Variants in EXD1 observed in about 807,000 individuals in gnomAD.
EXD1 encodes the protein piRNA biogenesis protein EXD1.
Under a neutral mutation model 49.1 loss-of-function variants are expected in EXD1, and 63 were observed. That is an observed-to-expected ratio of 1.28 (90% CI 1.05 to 1.58). EXD1 has a LOEUF of 1.58. Ranked by LOEUF, EXD1 falls within the 40% of genes most tolerant of loss-of-function variation. The pLI, the probability that EXD1 is intolerant of heterozygous loss-of-function variation, is 0.00. For missense variants in EXD1, 748 were observed against 666.0 expected (o/e 1.12, Z -1.36); for synonymous variants, 234 against 239.2 (o/e 0.98, Z 0.20).
At chr15:41,224,711 C>G (rs2047135747) in intron 2 of EXD1, among the ~76,000 whole-genome samples, 1 of 152,086 alleles carries the variant, frequency 6.6e-6, no homozygotes. Context: ...ATAAACCTAG[C>G]ATTTTGGGAG....
At chr15:41,223,874 G>A (rs989987293) in intron 2 of EXD1, among the ~76,000 whole-genome samples, 18 of 151,804 alleles carry the variant, frequency 1.2e-4, no homozygotes, top group African/African-American at 4.3e-4. Flanking sequence ...CAAAAAAAAA[G>A]AAAAAATTAA....
At chr15:41,188,722 A>T (rs1268430379) in intron 11 of EXD1, among the ~76,000 whole-genome samples, 1 of 151,646 alleles carries the variant, frequency 6.6e-6, no homozygotes, top group Admixed American at 6.6e-5. Context: ...AGTCATTGTT[A>T]ATATTCATAG....
At chr15:41,215,685 C>CAA (rs113812559) in intron 6 of EXD1, 90 bp downstream of exon 6, 89,790 of 1,112,384 alleles carry the variant, frequency 0.081, 4,039 homozygotes, top group African/African-American at 0.37. Context: ...GACTCCGTCT[C>CAA]AAAAAAAAAA....
At chr15:41,222,593 C>T (rs1336104468) in intron 2 of EXD1, among the ~76,000 whole-genome samples, 1 of 151,862 alleles carries the variant, frequency 6.6e-6, no homozygotes, top group African/African-American at 2.4e-5. Flanking sequence ...CTCCATTATA[C>T]CTGTCTACCT....
rs117930212 is a variant in EXD1, at chr15:41,225,320, C to T, written c.133+1123G>A. Among the ~76,000 whole-genome samples the T allele has an allele frequency of 3.2e-4, 48 of 152,332 alleles. No homozygotes were observed. The East Asian group carries it at 5.2e-3, about 16-fold the overall frequency. The stretch of plus-strand genomic sequence containing the variant: ...AAATTAAAGGGCCAGCATAGTGGCT[C>T]AAGCCTGTAATCCCAGCACTTTGGG... On this transcript the variant is annotated intron_variant, in intron 2 of 11. Coordinates refer to ENST00000458580, the MANE Select transcript of EXD1 (RefSeq NM_001286441.2).
At chr15:41,189,343 G>A (rs761401960) in intron 11 of EXD1, among the ~76,000 whole-genome samples, 94 of 151,640 alleles carry the variant, frequency 6.2e-4, no homozygotes, top group Non-Finnish European at 1.1e-3. Context: ...ACTCCAGCCT[G>A]AGTGACAGAG....
chr15:41,229,754 C>G (rs1343587214), intron 1 of EXD1, among the ~76,000 whole-genome samples: 1 of 150,122 alleles, frequency 6.7e-6, no homozygotes, highest in African/African-American at 2.5e-5. Context: ...GGCAGAAGAG[C>G]AAAAACTCCG....
intron 3 of EXD1, among the ~76,000 whole-genome samples, chr15:41,218,296 A>C (rs57896923): frequency 0.16 from 24,377 of 151,912 alleles, 3,585 homozygotes; most frequent in African/African-American, 0.39. Context: ...ACCAACCTAG[A>C]CAACATGGTG....
At chr15:41,227,331 T>A (rs182270261) in intron 1 of EXD1, among the ~76,000 whole-genome samples, 3 of 152,362 alleles carry the variant, frequency 2.0e-5, no homozygotes, top group South Asian at 2.1e-4. Context: ...TGTATTTTTT[T>A]ATTTTCTGTC....
In EXD1 at chr15:41,197,105, G is replaced by A. The variant is rs142299121; in HGVS notation, c.535-1068C>T. On this transcript the variant is annotated intron_variant, in intron 7 of 11. Coordinates refer to ENST00000458580, the MANE Select transcript of EXD1 (RefSeq NM_001286441.2). ...CTTCCAAAATGCTGGGATTACAGGC[G>A]TGAGCCACCAGGCCCCACCACATCT... 3.3e-3 allele frequency among the ~76,000 whole-genome samples: 507 copies of A among 151,902 alleles called. 1 individual carries two copies. The highest frequency in any genetic ancestry group is 0.012 in the African/African-American group (480 of 41,430).
At chr15:41,206,165 G>A (rs1236663938) in intron 7 of EXD1, among the ~76,000 whole-genome samples, 1 of 152,022 alleles carries the variant, frequency 6.6e-6, no homozygotes, top group Non-Finnish European at 1.5e-5. Flanking sequence ...CAATAAGCAT[G>A]TTATTAGAAA....
intron 11 of EXD1, among the ~76,000 whole-genome samples, chr15:41,187,964 G>A (rs563168509): frequency 4.9e-5 from 7 of 142,004 alleles, no homozygotes; most frequent in South Asian, 2.2e-4. Flanking sequence ...GTAGTGAGCC[G>A]GTATCACACC....
intron 7 of EXD1, among the ~76,000 whole-genome samples, chr15:41,207,313 G>A (rs1222646666): frequency 4.6e-5 from 7 of 152,046 alleles, no homozygotes; most frequent in African/African-American, 1.7e-4. Context: ...AGGCCAAGGC[G>A]GGTGGATCAC....
At position 41,191,520 on chromosome 15, in the gene EXD1, C is replaced by A. The variant is rs769055082; in HGVS notation, c.786G>T (p.Leu262Phe). The A allele has an allele frequency of 1.2e-5, 20 of 1,613,822 alleles. No homozygotes were observed. The highest frequency in any genetic ancestry group is 1.6e-5 in the Non-Finnish European group (19 of 1,179,904). Residue 262 changes from leucine (L) to phenylalanine (F), a missense_variant, in exon 10 of 12, where the codon TTG becomes TTT. Transcript: ENST00000458580. ...GGYLPNCITT[L>F]QESLIKHLQV... is the part of the protein sequence containing the mutation. Reference sequence around the variant, plus strand: ...GAAGGTGTTTGATTAAACTCTCCTGCAAAGTAGTGATGCAGTTTGGAAGAT... The same window carrying A: ...GAAGGTGTTTGATTAAACTCTCCTGAAAAGTAGTGATGCAGTTTGGAAGAT...
At chr15:41,205,714 GGAGAGA>G (rs2046812094) in intron 7 of EXD1, among the ~76,000 whole-genome samples, 1 of 84,110 alleles carries the variant, frequency 1.2e-5, no homozygotes, top group Non-Finnish European at 2.1e-5. Flanking sequence ...AAGGAGGGAA[GGAGAGA>G]AGGAGGGAAG....
chr15:41,206,441 A>C (rs1324907760), intron 7 of EXD1, among the ~76,000 whole-genome samples: 2 of 144,758 alleles, frequency 1.4e-5, no homozygotes, highest in Non-Finnish European at 3.0e-5. Context: ...GCACCACTGC[A>C]CTCCAGCCTG....
rs1480808673 is a variant in EXD1 at position 41,188,684 on chromosome 15, A to ACCTGGC, written c.1056+1247_1056+1252dup. Among the ~76,000 whole-genome samples the ACCTGGC allele has an allele frequency of 4.0e-5, 6 of 151,758 alleles. No homozygotes were observed. The East Asian group carries it at 9.8e-4, about 25-fold the overall frequency. On this transcript the variant is annotated intron_variant, in intron 11 of 11. Transcript: ENST00000458580. ...TGGGATTACAGGTATGAGCCACCGT[A>ACCTGGC]CCTGGCCCTGGCCCTTTTTTTTGAG...
chr15:41,214,705 A>G (rs1003927907), intron 6 of EXD1, among the ~76,000 whole-genome samples: 2 of 151,800 alleles, frequency 1.3e-5, no homozygotes, highest in African/African-American at 2.4e-5. Flanking sequence ...GGAATATTTC[A>G]GCCTCAGGGC....
chr15:41,208,789 A>T (rs745407858), intron 7 of EXD1, among the ~76,000 whole-genome samples: 1 of 152,058 alleles, frequency 6.6e-6, no homozygotes, highest in Non-Finnish European at 1.5e-5. Flanking sequence ...AGAGACTCTC[A>T]TTTAATATCT....
Sources: gnomAD v4.1 joint callset for allele counts (sites outside exome capture counted in the v4.1 genomes callset) on GRCh38, gnomAD v4.1.1 for gene constraint, MANE v1.5 for transcripts, NCBI Gene and HGNC (gene_info 2026-07-23, HGNC 2026-07-21) for gene names.